The following FGD1 variants were observed in gnomAD, a reference collection of about 807,000 sequenced individuals.
FGD1 encodes the protein FYVE, RhoGEF and PH domain-containing protein 1.
A neutral mutation model predicts 65.0 loss-of-function variants in FGD1; 12 were observed. The observed-to-expected ratio is 0.18, with a 90% CI of 0.12 to 0.30. The LOEUF (loss-of-function observed/expected upper bound fraction) is 0.30. Ranked by LOEUF, FGD1 falls within the 10% of genes least tolerant of loss-of-function variation. The pLI, the probability that FGD1 is intolerant of heterozygous loss-of-function variation, is 1.00. For synonymous variants in FGD1, 333 were observed against 343.9 expected (o/e 0.97, Z 0.35); for missense variants, 542 against 837.6 (o/e 0.65, Z 4.36).
In FGD1 at chrX:54,471,365, G is replaced by T; in HGVS notation, c.430C>A (p.Pro144Thr). The change falls in exon 2 of 18, where the codon CCT (proline) becomes ACT (threonine). Residue 144 changes from proline (P) to threonine (T), a missense_variant. Transcript: ENST00000375135. The stretch of plus-strand genomic sequence containing the variant: ...TTCAGTGGTGAAGGACGCTGGCTAG[G>T]GGTTTCAGTCGGGGGACCTGGGTCT... ...RSDPGPPTETPSQRPSPLKRA... is the reference protein window; with the variant it reads ...RSDPGPPTETTSQRPSPLKRA... 1 of 1,211,323 alleles carries T rather than the reference G, an allele frequency of 8.3e-7. No homozygotes were observed. Among genetic ancestry groups the T allele is most frequent in the Non-Finnish European group, 1.1e-6 (1 of 895,622 alleles).
intron 6 of FGD1, among the ~76,000 whole-genome samples, chrX:54,467,425 G>A (rs912168512): frequency 9.3e-6 from 1 of 107,193 alleles, no homozygotes; most frequent in South Asian, 4.3e-4. Flanking sequence ...GTGCAATTTC[G>A]GGTCACCACA....
intron 1 of FGD1, among the ~76,000 whole-genome samples, chrX:54,486,472 T>G (rs1226454608): frequency 9.0e-6 from 1 of 111,533 alleles, no homozygotes; most frequent in Non-Finnish European, 1.9e-5. Context: ...GGTCTCGATC[T>G]CTTGACCTTG....
intron 8 of FGD1, among the ~76,000 whole-genome samples, chrX:54,458,201 A>G (rs1356031772): frequency 5.4e-5 from 6 of 111,819 alleles, no homozygotes; most frequent in African/African-American, 9.7e-5. Flanking sequence ...AAATCTGTCA[A>G]TGGCTCCCCT....
chrX:54,454,703 G>A (rs1569541049), intron 12 of FGD1, among the ~76,000 whole-genome samples: 1 of 109,499 alleles, frequency 9.1e-6, no homozygotes, highest in Non-Finnish European at 1.9e-5. Context: ...AATCTTATGG[G>A]GCCACTGTGT....
chrX:54,490,295 C>G (rs1043777926), intron 1 of FGD1, among the ~76,000 whole-genome samples: 8 of 110,797 alleles, frequency 7.2e-5, no homozygotes, highest in African/African-American at 2.6e-4. Context: ...ATGCAGTTTA[C>G]CCATATAACA....
rs903002013 is a variant in FGD1, at chrX:54,458,235, C to T, written c.1637-1668G>A. 7.2e-5 allele frequency among the ~76,000 whole-genome samples: 8 copies of T among 111,791 alleles called. No homozygotes were observed. In the Admixed American group the frequency reaches 7.6e-4, roughly 11 times the overall value. ...CTGTGCCTGCAGGGTAAAGACCTAGCCCTTTAGCCTGACATTCAAAGCCCT... is the reference window on the plus strand; with the variant it reads ...CTGTGCCTGCAGGGTAAAGACCTAGTCCTTTAGCCTGACATTCAAAGCCCT... On this transcript the variant is annotated intron_variant, in intron 8 of 17. Coordinates refer to ENST00000375135, the MANE Select transcript of FGD1 (RefSeq NM_004463.3).
At chrX:54,473,599 A>C (rs952843318) in intron 1 of FGD1, among the ~76,000 whole-genome samples, 2 of 112,636 alleles carry the variant, frequency 1.8e-5, no homozygotes, top group African/African-American at 6.4e-5. Context: ...AACAATAAAA[A>C]TTATATAAAT....
At chrX:54,475,552 C>T (rs1212825297) in intron 1 of FGD1, among the ~76,000 whole-genome samples, 1 of 111,366 alleles carries the variant, frequency 9.0e-6, no homozygotes, top group African/African-American at 3.3e-5. Context: ...TTTCACTGAG[C>T]GGGAGAAGGT....
chrX:54,485,712 C>T (rs1601960438), intron 1 of FGD1, among the ~76,000 whole-genome samples: 1 of 111,165 alleles, frequency 9.0e-6, no homozygotes, highest in East Asian at 2.8e-4. Flanking sequence ...CTTAAGCAAT[C>T]CTCCCCTATC....
At chrX:54,494,970 A>G (rs1449871684) in intron 1 of FGD1, among the ~76,000 whole-genome samples, 156 bp downstream of exon 1, 1 of 111,286 alleles carries the variant, frequency 9.0e-6, no homozygotes, top group Non-Finnish European at 1.9e-5. Context: ...CATAAGGCCA[A>G]GGGACGTGGG....
chrX:54,465,627 G>A (rs1922740775), intron 7 of FGD1, 38 bp from the exon 8 acceptor site: 5 of 1,208,604 alleles, frequency 4.1e-6, no homozygotes, highest in Non-Finnish European at 3.4e-6. Flanking sequence ...AGATCTGGCT[G>A]CAGATGCCCC....
chrX:54,468,739 C>A (rs1322460796), intron 5 of FGD1, 48 bp downstream of exon 5: 1 of 924,020 alleles, frequency 1.1e-6, no homozygotes, highest in Non-Finnish European at 1.6e-6. Context: ...CTCCTTGAAA[C>A]GCACCTACAA....
At position 54,466,759 on chromosome X, in the gene FGD1, T is replaced by TG. The variant is rs1342088948; in HGVS notation, c.1341-908_1341-907insC. Among the ~76,000 whole-genome samples, 5 of 83,518 alleles carry TG rather than the reference T, an allele frequency of 6.0e-5. No individual in the cohort carries two copies. The East Asian group carries it at 1.4e-3, about 24-fold the overall frequency. The allele number at this position is 83,518 out of a possible 115,157, so 72.5% of individuals were successfully genotyped here. ...CTGGTACTGTTTTGTTTGTTTGTTT[T>TG]TTTTTTTTTTGAGAGAGTCTTGCTC... is the stretch of plus-strand genomic sequence containing the variant. On this transcript the variant is annotated intron_variant, in intron 6 of 17. Transcript: ENST00000375135.
intron 10 of FGD1, 29 bp downstream of exon 10, chrX:54,456,191 C>T (rs145575824): frequency 3.3e-6 from 4 of 1,204,041 alleles, no homozygotes; most frequent in Middle Eastern, 2.3e-4. Context: ...GGGGCATGAC[C>T]CACCCACAAT....
intron 1 of FGD1, among the ~76,000 whole-genome samples, chrX:54,489,957 A>T (rs1923379007): frequency 8.9e-6 from 1 of 112,473 alleles, no homozygotes; most frequent in South Asian, 3.6e-4. Context: ...AGTAGACTGG[A>T]CAAAGAAAAT....
At chrX:54,467,378 C>CA (rs1922788706) in intron 6 of FGD1, among the ~76,000 whole-genome samples, 1 of 103,509 alleles carries the variant, frequency 9.7e-6, no homozygotes, top group Non-Finnish European at 2.0e-5. Flanking sequence ...TTTTTTAAGA[C>CA]AGAGTCTAGC....
intron 7 of FGD1, 37 bp downstream of exon 7, chrX:54,465,659 C>T (rs1299404680): frequency 1.7e-6 from 2 of 1,208,770 alleles, no homozygotes; most frequent in Non-Finnish European, 2.2e-6. Context: ...GCAGACCTCT[C>T]CTCCCCAAGT....
intron 8 of FGD1, among the ~76,000 whole-genome samples, chrX:54,457,499 C>T (rs767608148): frequency 8.9e-6 from 1 of 111,978 alleles, no homozygotes; most frequent in African/African-American, 3.2e-5. Context: ...AAATGGCCAA[C>T]TGTAGGGGTT....
intron 4 of FGD1, 85 bp from the exon 5 acceptor site, chrX:54,468,961 C>T (rs760347007): frequency 1.7e-4 from 116 of 683,871 alleles, no homozygotes; most frequent in Non-Finnish European, 2.5e-4. Flanking sequence ...AAACAGTTCC[C>T]ATGCCACTCT....
Sources: allele counts gnomAD v4.1 joint callset (sites outside exome capture counted in the v4.1 genomes callset), GRCh38; gene constraint gnomAD v4.1.1; transcripts MANE v1.5; gene names NCBI Gene and HGNC (gene_info 2026-07-23, HGNC 2026-07-21).